Variants in PUS10 observed in about 807,000 individuals in gnomAD.
PUS10 encodes the protein tRNA pseudouridine synthase Pus10.
In PUS10, 59 loss-of-function variants were observed where a neutral mutation model predicts 75.0. The ratio of observed to expected loss-of-function variants is 0.79; its 90% CI spans 0.64 to 0.98. The LOEUF is 0.98. Among genes scored for constraint, PUS10 ranks in the 50% least tolerant of loss-of-function variants. The pLI, the probability that PUS10 is intolerant of heterozygous loss-of-function variation, is 0.00. For missense variants in PUS10, 650 were observed against 614.4 expected (o/e 1.06, Z -0.61); for synonymous variants, 219 against 211.6 (o/e 1.03, Z -0.30).
intron 16 of PUS10, among the ~76,000 whole-genome samples, chr2:60,945,579 T>C (rs981144822): frequency 6.6e-6 from 1 of 152,038 alleles, no homozygotes; most frequent in Admixed American, 6.5e-5. Flanking sequence ...CCAGAGGCAA[T>C]AGGGTGGAAG....
At position 60,965,086 on chromosome 2, in the gene PUS10, T is replaced by C. The variant is rs747237919; in HGVS notation, c.695A>G (p.Asp232Gly). ...DCHFLAAICP[D>G]CFKPAKNKQS... The stretch of plus-strand genomic sequence containing the variant: ...TTTGTTTTTGGCTGGCTTAAAACAA[T>C]CTGGGCATATCGCAGCTCTAAAATA... Residue 232 changes from aspartate to glycine, a missense_variant, in exon 8 of 18, where the codon GAT becomes GGT. Asp to Gly is a moderately conservative substitution (Grantham distance 94, BLOSUM62 -1). Coordinates refer to ENST00000316752, the MANE Select transcript of PUS10 (RefSeq NM_144709.4). 1.2e-6 allele frequency: 2 copies of C among 1,613,570 alleles called. No individual in the cohort carries two copies. The highest frequency in any genetic ancestry group is 4.5e-5 in the East Asian group (2 of 44,878).
intron 4 of PUS10, among the ~76,000 whole-genome samples, chr2:60,982,853 A>T (rs1677487221): frequency 1.3e-5 from 2 of 151,628 alleles, no homozygotes; most frequent in African/African-American, 4.8e-5. Context: ...TTTTTGAGAC[A>T]GGGTCTCTTT....
chr2:60,965,251 C>T, intron 7 of PUS10, 148 bp from the exon 8 acceptor site: 1 of 995,960 alleles, frequency 1.0e-6, no homozygotes, highest in South Asian at 1.4e-5. Context: ...ATCGGTTTGC[C>T]CAGGAACTAT....
chr2:60,970,660 A>T (rs6754346), intron 5 of PUS10, among the ~76,000 whole-genome samples: 1 of 150,654 alleles, frequency 6.6e-6, no homozygotes, highest in Non-Finnish European at 1.5e-5. Flanking sequence ...TGGGCGGGGG[A>T]GGGGACGGAA....
intron 7 of PUS10, 36 bp from the exon 8 acceptor site, chr2:60,965,139 G>A: frequency 6.3e-7 from 1 of 1,582,730 alleles, no homozygotes; most frequent in East Asian, 2.2e-5. Context: ...AAAGGTTAAT[G>A]AGTTTATTTT....
At chr2:60,976,802 A>G (rs1048605059) in intron 4 of PUS10, among the ~76,000 whole-genome samples, 2 of 152,212 alleles carry the variant, frequency 1.3e-5, no homozygotes, top group Non-Finnish European at 2.9e-5. Context: ...AAGGAAAAAG[A>G]AGTATATTTC....
intron 4 of PUS10, among the ~76,000 whole-genome samples, chr2:61,004,065 A>G (rs1286881271): frequency 6.6e-6 from 1 of 152,214 alleles, no homozygotes; most frequent in East Asian, 1.9e-4. Context: ...TGGATAGTAT[A>G]TTGACGTTCG....
chr2:60,980,418 T>C (rs897920994), intron 4 of PUS10, among the ~76,000 whole-genome samples: 2 of 152,214 alleles, frequency 1.3e-5, no homozygotes, highest in African/African-American at 2.4e-5. Flanking sequence ...ACAATACAAG[T>C]TGCAAGAAAT....
chr2:61,001,305 A>G (rs1019257334), intron 4 of PUS10, among the ~76,000 whole-genome samples: 2 of 134,404 alleles, frequency 1.5e-5, no homozygotes, highest in Non-Finnish European at 3.3e-5. Flanking sequence ...TTTTTTTTTT[A>G]GATGTAGTCT....
chr2:60,992,091 A>T (rs1469808437), intron 4 of PUS10, among the ~76,000 whole-genome samples: 2 of 151,246 alleles, frequency 1.3e-5, no homozygotes, highest in Admixed American at 1.3e-4. Context: ...AGCTAACTGC[A>T]ACCTCCACTT....
At chr2:60,996,985 A>T (rs928406323) in intron 4 of PUS10, among the ~76,000 whole-genome samples, 1 of 152,202 alleles carries the variant, frequency 6.6e-6, no homozygotes, top group African/African-American at 2.4e-5. Flanking sequence ...GATGTTTTTC[A>T]ATAAGTGCCA....
chr2:61,016,252 C>T (rs909301876), intron 1 of PUS10, among the ~76,000 whole-genome samples: 1 of 152,094 alleles, frequency 6.6e-6, no homozygotes, highest in African/African-American at 2.4e-5. Flanking sequence ...TAAAAATAGA[C>T]CCCAAAAAAG....
chr2:61,009,406 A>G (rs1679457401), intron 2 of PUS10, among the ~76,000 whole-genome samples: 2 of 152,194 alleles, frequency 1.3e-5, no homozygotes, highest in Non-Finnish European at 2.9e-5. Context: ...CTGAATTTCC[A>G]TCCTTGCTAG....
chr2:61,018,049 A>G lies in PUS10; in HGVS notation c.-57T>C. 6.8e-7 allele frequency: 1 copy of G among 1,464,284 alleles called. No individual in the cohort carries two copies. Among genetic ancestry groups the G allele is most frequent in the African/African-American group, 1.4e-5 (1 of 70,420 alleles). 90.7% of individuals were successfully genotyped at this position (1,464,284 alleles called of 1,614,324 possible). A position where few individuals can be genotyped will look rare whatever the true frequency, so the allele number is the denominator to read the frequency against. On this transcript the variant is annotated 5_prime_UTR_variant, in exon 1 of 18. Coordinates refer to ENST00000316752, the MANE Select transcript of PUS10 (RefSeq NM_144709.4). Reference sequence around the variant, plus strand: ...GTCTCACAGCTGTTTCTGACCCGGCAGCTCTAATCAGCAACGTTTTTTTCG... The same window carrying G: ...GTCTCACAGCTGTTTCTGACCCGGCGGCTCTAATCAGCAACGTTTTTTTCG...
At chr2:60,989,636 C>CT (rs548125640) in intron 4 of PUS10, among the ~76,000 whole-genome samples, 50 of 147,354 alleles carry the variant, frequency 3.4e-4, no homozygotes, top group South Asian at 6.4e-4. Flanking sequence ...ACTGCTTATT[C>CT]TTTTTTTTTT....
At chr2:60,953,620 G>T (rs746355348) in intron 14 of PUS10, among the ~76,000 whole-genome samples, 1 of 152,120 alleles carries the variant, frequency 6.6e-6, no homozygotes, top group Non-Finnish European at 1.5e-5. Flanking sequence ...TTGCTATTGT[G>T]AATAATGCTA....
intron 17 of PUS10, among the ~76,000 whole-genome samples, chr2:60,943,030 A>G (rs2104059104): frequency 7.4e-6 from 1 of 135,842 alleles, no homozygotes; most frequent in Admixed American, 7.8e-5. Flanking sequence ...GACCCTATCT[A>G]TCTCAGAAAA....
At chr2:60,964,970 T>C in intron 8 of PUS10, 88 bp downstream of exon 8, 1 of 1,098,054 alleles carries the variant, frequency 9.1e-7, no homozygotes, top group Middle Eastern at 2.0e-4. Context: ...GTTGCCATGT[T>C]TCTGATGCAT....
chr2:60,960,852 A>G (rs1675986716), intron 10 of PUS10, among the ~76,000 whole-genome samples: 1 of 151,542 alleles, frequency 6.6e-6, no homozygotes, highest in South Asian at 2.1e-4. Context: ...ATAAAAAAAA[A>G]AAAAAAAAAA....
Sources: allele counts gnomAD v4.1 joint callset (sites outside exome capture counted in the v4.1 genomes callset), GRCh38; gene constraint gnomAD v4.1.1; transcripts MANE v1.5; gene names NCBI Gene and HGNC (gene_info 2026-07-23, HGNC 2026-07-21).